BNC2: variants seen among roughly 807,000 people sequenced by gnomAD.
BNC2 encodes basonuclin zinc finger protein 2, also known as zinc finger protein basonuclin-2.
In BNC2, 20 loss-of-function variants were observed where a neutral mutation model predicts 76.3. That is an observed-to-expected ratio of 0.26 (90% CI 0.18 to 0.38). The LOEUF (loss-of-function observed/expected upper bound fraction) is 0.38, where lower values mean the gene tolerates loss of function less well. Among genes scored for constraint, BNC2 ranks in the 10% least tolerant of loss-of-function variants. BNC2 has a pLI of 1.00. For synonymous variants in BNC2, 582 were observed against 514.8 expected, an observed-to-expected ratio of 1.13 and a Z score of -1.77; for missense variants, 1,382 against 1,399.8, an observed-to-expected ratio of 0.99 and a Z score of 0.20.
At chr9:16,749,533 C>T (rs758450122) in intron 1 of BNC2, among the ~76,000 whole-genome samples, 7 of 151,966 alleles carry the variant, frequency 4.6e-5, no homozygotes, top group Non-Finnish European at 1.0e-4. Flanking sequence ...GATCCCATCG[C>T]TACAAAAAAA....
intron 4 of BNC2, among the ~76,000 whole-genome samples, chr9:16,567,581 G>C (rs1241568264): frequency 1.3e-5 from 2 of 152,090 alleles, no homozygotes; most frequent in East Asian, 3.8e-4. Flanking sequence ...TTCTGTGAAG[G>C]TCACAGAAAT....
chr9:16,604,524 C>T (rs750695227), intron 3 of BNC2, among the ~76,000 whole-genome samples: 146 of 152,242 alleles, frequency 9.6e-4, no homozygotes, highest in Non-Finnish European at 7.1e-4. Flanking sequence ...GGGCTGGGCA[C>T]GGTGGCTCAT....
intron 1 of BNC2, among the ~76,000 whole-genome samples, chr9:16,789,819 T>G (rs909255249): frequency 6.6e-6 from 1 of 152,206 alleles, no homozygotes; most frequent in African/African-American, 2.4e-5. Context: ...CCTGGCACAC[T>G]GCAGACACTC....
intron 1 of BNC2, among the ~76,000 whole-genome samples, chr9:16,853,541 C>T (rs1166537973): frequency 6.6e-6 from 1 of 152,128 alleles, no homozygotes; most frequent in East Asian, 1.9e-4. Flanking sequence ...CACCTCCCCT[C>T]ACTTTATTTT....
chr9:16,728,109 G>A (rs1824403767), intron 2 of BNC2, 112 bp from the exon 3 acceptor site: 2 of 674,764 alleles, frequency 3.0e-6, no homozygotes, highest in Non-Finnish European at 2.6e-6. Context: ...GGAGATTTGG[G>A]GGAGGGAGGG....
intron 3 of BNC2, among the ~76,000 whole-genome samples, chr9:16,620,536 G>A (rs1587243374): frequency 6.6e-6 from 1 of 152,210 alleles, no homozygotes; most frequent in East Asian, 1.9e-4. Flanking sequence ...TGACTTAGTA[G>A]CTACTGAAAC....
Position 16,483,437 on chromosome 9 carries a change from C to T in BNC2, c.670-45913G>A, listed in dbSNP as rs1053361940. Among the ~76,000 whole-genome samples, 22 of 152,294 alleles carry T rather than the reference C, an allele frequency of 1.4e-4. 1 individual carries two copies. The highest frequency in any genetic ancestry group is 3.9e-4 in the Admixed American group (6 of 15,304). On this transcript the variant is annotated intron_variant, in intron 5 of 6. Transcript: ENST00000380672. ...TTTGGCTGCAGGTGGGCAATCCAGTCCTTAAGCAGATGCTAAACAAGACCA... is the reference window on the plus strand; with the variant it reads ...TTTGGCTGCAGGTGGGCAATCCAGTTCTTAAGCAGATGCTAAACAAGACCA...
chr9:16,733,412 T>C (rs1337386), intron 2 of BNC2, among the ~76,000 whole-genome samples: 14,566 of 152,184 alleles, frequency 0.096, 886 homozygotes, highest in Admixed American at 0.2. Flanking sequence ...AAGAAATGAA[T>C]AGAAAAGAAG....
chr9:16,729,182 G>A (rs138186649), intron 2 of BNC2, among the ~76,000 whole-genome samples: 1,621 of 152,208 alleles, frequency 0.011, 33 homozygotes, highest in African/African-American at 0.036. Context: ...TTATGGAAAA[G>A]CAGCACTGAA....
chr9:16,451,618 C>T (rs551677040), intron 5 of BNC2, among the ~76,000 whole-genome samples: 1 of 152,138 alleles, frequency 6.6e-6, no homozygotes, highest in Non-Finnish European at 1.5e-5. Context: ...TCTCACCTAC[C>T]TCTGCACCCC....
chr9:16,689,118 CCACA>C (rs60237205), intron 3 of BNC2, among the ~76,000 whole-genome samples: 144 of 135,422 alleles, frequency 1.1e-3, no homozygotes, highest in African/African-American at 3.8e-3. Context: ...ACACACATAA[CCACA>C]CACACACACA....
At chr9:16,796,466 A>C (rs1018697200) in intron 1 of BNC2, among the ~76,000 whole-genome samples, 5 of 151,970 alleles carry the variant, frequency 3.3e-5, no homozygotes, top group Middle Eastern at 3.2e-3. Context: ...TTAATAAGAA[A>C]TCATGAAAGG....
intron 3 of BNC2, among the ~76,000 whole-genome samples, chr9:16,623,847 A>C (rs1361923943): frequency 6.6e-6 from 1 of 152,188 alleles, no homozygotes; most frequent in Non-Finnish European, 1.5e-5. Flanking sequence ...GCAAAGCAGA[A>C]GGTAGGAAAT....
At chr9:16,538,457 G>A (rs537879248) in intron 5 of BNC2, among the ~76,000 whole-genome samples, 3 of 152,220 alleles carry the variant, frequency 2.0e-5, no homozygotes, top group South Asian at 2.1e-4. Context: ...CACAGAGATC[G>A]TCTCGTTCTA....
intron 4 of BNC2, among the ~76,000 whole-genome samples, chr9:16,581,846 G>T (rs987568254): frequency 2.0e-5 from 3 of 152,048 alleles, no homozygotes; most frequent in African/African-American, 7.2e-5. Context: ...CTATCCCTGT[G>T]GGCATGAAGG....
chr9:16,483,266 T>C (rs1241315619), intron 5 of BNC2, among the ~76,000 whole-genome samples: 2 of 152,256 alleles, frequency 1.3e-5, no homozygotes, highest in Non-Finnish European at 2.9e-5. Context: ...AAGAGGCTTC[T>C]GTCCTGATAC....
At chr9:16,767,389 TG>T (rs1563933680) in intron 1 of BNC2, among the ~76,000 whole-genome samples, 1 of 152,106 alleles carries the variant, frequency 6.6e-6, no homozygotes, top group Non-Finnish European at 1.5e-5. Flanking sequence ...TTACATACAA[TG>T]TGAAAGGCCC....
intron 3 of BNC2, among the ~76,000 whole-genome samples, chr9:16,666,459 A>C (rs1822294692): frequency 6.6e-6 from 1 of 152,254 alleles, no homozygotes; most frequent in Admixed American, 6.5e-5. Context: ...TCATTAAAAG[A>C]GAGAAACAAC....
intron 3 of BNC2, among the ~76,000 whole-genome samples, chr9:16,607,424 G>C (rs930530440): frequency 4.6e-5 from 7 of 152,136 alleles, no homozygotes; most frequent in Non-Finnish European, 8.8e-5. Context: ...AAACTTGGCT[G>C]TAACAATTCA....
Sources: allele counts gnomAD v4.1 joint callset (sites outside exome capture counted in the v4.1 genomes callset), GRCh38; gene constraint gnomAD v4.1.1; transcripts MANE v1.5; gene names NCBI Gene and HGNC (gene_info 2026-07-23, HGNC 2026-07-21).